Variants in RBFOX1 observed in about 807,000 individuals in gnomAD.
RBFOX1 encodes the protein RNA binding fox-1 homolog 1.
Under a neutral mutation model 57.7 loss-of-function variants are expected in RBFOX1, and 8 were observed. The ratio of observed to expected loss-of-function variants is 0.14; its 90% CI spans 0.08 to 0.25. RBFOX1 has a LOEUF of 0.25. Ranked by LOEUF, RBFOX1 falls within the 10% of genes least tolerant of loss-of-function variation. The probability of loss-of-function intolerance (pLI) is 1.00; values close to 1 mark genes in which losing one functional copy is unlikely to be tolerated. For synonymous variants in RBFOX1, 326 were observed against 222.4 expected (o/e 1.47, Z -4.15); for missense variants, 611 against 548.5 (o/e 1.11, Z -1.14).
chr16:7,489,449 G>A (rs1362144644), intron 4 of RBFOX1, among the ~76,000 whole-genome samples: 1 of 152,018 alleles, frequency 6.6e-6, no homozygotes, highest in Non-Finnish European at 1.5e-5. Context: ...TTATGTTGTA[G>A]CTTCTTTTGC....
At chr16:6,711,289 C>T (rs1018372178) in intron 3 of RBFOX1, among the ~76,000 whole-genome samples, 1 of 152,150 alleles carries the variant, frequency 6.6e-6, no homozygotes, top group African/African-American at 2.4e-5. Context: ...CCCCCCATGG[C>T]TTCTGTCTCA....
intron 3 of RBFOX1, among the ~76,000 whole-genome samples, chr16:6,808,438 C>A (rs1465628418): frequency 6.6e-6 from 1 of 151,990 alleles, no homozygotes; most frequent in African/African-American, 2.4e-5. Flanking sequence ...AGTGAATAAA[C>A]TACATCCCAA....
At chr16:6,544,567 G>C (rs983731202) in intron 2 of RBFOX1, among the ~76,000 whole-genome samples, 1 of 152,102 alleles carries the variant, frequency 6.6e-6, no homozygotes, top group African/African-American at 2.4e-5. Flanking sequence ...TTTTCTCTTA[G>C]CATTCGATCG....
At chr16:5,985,062 T>C (rs1418132412) in intron 4 of RBFOX1, among the ~76,000 whole-genome samples, 2 of 146,834 alleles carry the variant, frequency 1.4e-5, no homozygotes, top group East Asian at 4.1e-4. Flanking sequence ...CTTGGCTCAC[T>C]TCCACCTCCG....
At chr16:6,888,069 G>C (rs2064540301) in intron 3 of RBFOX1, among the ~76,000 whole-genome samples, 1 of 152,096 alleles carries the variant, frequency 6.6e-6, no homozygotes, top group African/African-American at 2.4e-5. Flanking sequence ...ACGTTCCCAG[G>C]TAATTAGTGT....
chr16:6,831,125 T>C (rs942117543), intron 3 of RBFOX1, among the ~76,000 whole-genome samples: 3 of 152,208 alleles, frequency 2.0e-5, no homozygotes, highest in Non-Finnish European at 4.4e-5. Context: ...TCACTAAGGT[T>C]CATTTTATTT....
intron 3 of RBFOX1, among the ~76,000 whole-genome samples, chr16:6,802,629 A>T (rs1267878227): frequency 6.6e-6 from 1 of 152,146 alleles, no homozygotes; most frequent in African/African-American, 2.4e-5. Context: ...GTGAGTTGAG[A>T]TTGTGCTACT....
chr16:5,985,468 T>A (rs539249827), intron 4 of RBFOX1, among the ~76,000 whole-genome samples: 1 of 151,576 alleles, frequency 6.6e-6, no homozygotes, highest in East Asian at 1.9e-4. Flanking sequence ...CACAGAGGAG[T>A]TAAGTGATGG....
intron 4 of RBFOX1, among the ~76,000 whole-genome samples, chr16:7,097,325 G>A (rs1380567805): frequency 1.3e-5 from 2 of 151,478 alleles, no homozygotes; most frequent in Non-Finnish European, 2.9e-5. Context: ...AGTATGGTCA[G>A]AGAGAGAGAG....
intron 5 of RBFOX1, among the ~76,000 whole-genome samples, chr16:7,561,320 A>G (rs544067753): frequency 2.0e-5 from 3 of 152,208 alleles, no homozygotes; most frequent in Admixed American, 6.6e-5. Flanking sequence ...TATTCACTCT[A>G]TGGCCCTTTA....
At chr16:7,542,877 C>G (rs937174885) in intron 5 of RBFOX1, among the ~76,000 whole-genome samples, 2 of 150,562 alleles carry the variant, frequency 1.3e-5, no homozygotes, top group African/African-American at 4.9e-5. Context: ...AGGGAAGGAT[C>G]TAGCTAGGCA....
At chr16:6,991,979 T>G (rs940422076) in intron 3 of RBFOX1, among the ~76,000 whole-genome samples, 3 of 152,156 alleles carry the variant, frequency 2.0e-5, no homozygotes, top group Non-Finnish European at 2.9e-5. Flanking sequence ...TTAACAGGAC[T>G]CCCTGTGTTT....
chr16:6,565,417 C>T lies in RBFOX1; in HGVS notation c.-63-89186C>T, dbSNP rs1457857312. ...GAACTACAGGCGCCCGCCACCATGCCTGGCTAATTTTTTGTATTTTTAGTA... is the reference window on the plus strand; with the variant it reads ...GAACTACAGGCGCCCGCCACCATGCTTGGCTAATTTTTTGTATTTTTAGTA... On this transcript the variant is annotated intron_variant, in intron 2 of 15. Coordinates refer to ENST00000550418, the MANE Select transcript of RBFOX1 (RefSeq NM_018723.4). Among the ~76,000 whole-genome samples the T allele has an allele frequency of 3.3e-5, 5 of 151,966 alleles. No homozygotes were observed. In the East Asian group the frequency reaches 7.8e-4, roughly 24 times the overall value.
intron 4 of RBFOX1, among the ~76,000 whole-genome samples, chr16:5,931,455 G>A (rs2059054618): frequency 6.6e-6 from 1 of 152,136 alleles, no homozygotes; most frequent in South Asian, 2.1e-4. Context: ...GGAAGATCAG[G>A]CAGGTGTTAA....
chr16:6,988,185 C>G (rs1363285106), intron 3 of RBFOX1, among the ~76,000 whole-genome samples: 1 of 152,120 alleles, frequency 6.6e-6, no homozygotes, highest in Non-Finnish European at 1.5e-5. Context: ...TAGAAGTGTC[C>G]TAATGGTAAA....
intron 3 of RBFOX1, among the ~76,000 whole-genome samples, chr16:6,929,451 G>C (rs767312301): frequency 3.3e-5 from 5 of 152,106 alleles, no homozygotes; most frequent in Non-Finnish European, 5.9e-5. Context: ...GTATATATCA[G>C]AAGCGTGCTT....
intron 4 of RBFOX1, among the ~76,000 whole-genome samples, chr16:5,996,506 G>C (rs2060493317): frequency 6.7e-6 from 1 of 150,032 alleles, no homozygotes; most frequent in Non-Finnish European, 1.5e-5. Context: ...TAGATTAGTG[G>C]AGGTCCTAGG....
intron 2 of RBFOX1, among the ~76,000 whole-genome samples, chr16:5,561,131 G>T (rs909983483): frequency 5.3e-5 from 8 of 152,158 alleles, no homozygotes; most frequent in Non-Finnish European, 1.0e-4. Flanking sequence ...CATCCTCAGG[G>T]CAGGAGGGGT....
At chr16:6,852,284 G>C (rs2094114252) in intron 3 of RBFOX1, among the ~76,000 whole-genome samples, 1 of 152,060 alleles carries the variant, frequency 6.6e-6, no homozygotes. Flanking sequence ...CTTCCGTTCT[G>C]TGTGTGCCTC....
Sources: allele counts gnomAD v4.1 joint callset (sites outside exome capture counted in the v4.1 genomes callset), GRCh38; gene constraint gnomAD v4.1.1; transcripts MANE v1.5; gene names NCBI Gene and HGNC (gene_info 2026-07-23, HGNC 2026-07-21).